The following LPP variants were observed in gnomAD, a reference collection of about 807,000 sequenced individuals.
LPP encodes the protein LIM domain containing preferred translocation partner in lipoma.
In LPP, 38 loss-of-function variants were observed where a neutral mutation model predicts 60.4. That is an observed-to-expected ratio of 0.63 (90% CI 0.49 to 0.83). The LOEUF is 0.83. LPP is among the 40% of genes least tolerant of loss of function. LPP has a pLI of 0.00. For missense variants in LPP, 902 were observed against 783.6 expected (o/e 1.15, Z -1.80); for synonymous variants, 328 against 290.8 (o/e 1.13, Z -1.30).
chr3:188,277,879 C>T (rs965025292), intron 2 of LPP, among the ~76,000 whole-genome samples: 17 of 152,266 alleles, frequency 1.1e-4, no homozygotes, highest in African/African-American at 3.1e-4. Context: ...TATTGTCATT[C>T]GCCCTAAACT....
At chr3:188,218,023 G>GT (rs1714320066) in intron 1 of LPP, among the ~76,000 whole-genome samples, 1 of 152,128 alleles carries the variant, frequency 6.6e-6, no homozygotes, top group South Asian at 2.1e-4. Context: ...TTAACATGTT[G>GT]TTTTTTCATG....
intron 8 of LPP, among the ~76,000 whole-genome samples, chr3:188,717,045 T>C (rs1048990866): frequency 2.4e-4 from 36 of 152,214 alleles, no homozygotes; most frequent in Admixed American, 2.4e-3. Flanking sequence ...TGTGTTTATT[T>C]CCATTTGGGA....
chr3:188,607,391 ATATATATATATATATATATATATAT>A (rs1156689972), intron 6 of LPP, among the ~76,000 whole-genome samples: 4 of 30,488 alleles, frequency 1.3e-4, no homozygotes, highest in East Asian at 7.7e-3. Context: ...ATATATATAT[ATATATATATATATATATATATATAT>A]AATTTTTTTT....
At chr3:188,308,916 G>GTCT (rs893658229) in intron 2 of LPP, among the ~76,000 whole-genome samples, 5 of 73,810 alleles carry the variant, frequency 6.8e-5, no homozygotes, top group African/African-American at 2.7e-4. Context: ...CTTCTTCTTC[G>GTCT]TCTTCTTCTT....
chr3:188,846,395 G>C (rs1227396826), intron 9 of LPP, among the ~76,000 whole-genome samples: 1 of 152,088 alleles, frequency 6.6e-6, no homozygotes, highest in African/African-American at 2.4e-5. Context: ...TATAAGATAT[G>C]TGTAGAGGCT....
At chr3:188,177,508 G>C (rs1378470306) in intron 1 of LPP, among the ~76,000 whole-genome samples, 2 of 152,142 alleles carry the variant, frequency 1.3e-5, no homozygotes, top group Non-Finnish European at 2.9e-5. Flanking sequence ...AAAGACACTA[G>C]ATCAGAAAAG....
chr3:188,828,630 A>AAAAAAAAC (rs1756284908), intron 9 of LPP, among the ~76,000 whole-genome samples: 1 of 147,644 alleles, frequency 6.8e-6, no homozygotes, highest in Admixed American at 6.8e-5. Flanking sequence ...AAAAAAAAAA[A>AAAAAAAAC]AAAAAAAAAA....
chr3:188,889,277 A>G lies in LPP; in HGVS notation c.*14798A>G, dbSNP rs753137335. The G allele has an allele frequency of 8.2e-5, 19 of 231,256 alleles. No individual in the cohort carries two copies. The highest frequency in any genetic ancestry group is 1.5e-4 in the Non-Finnish European group (17 of 116,812). 14.3% of individuals were successfully genotyped at this position (231,256 alleles called of 1,614,324 possible). A position where few individuals can be genotyped will look rare whatever the true frequency, so the allele number is the denominator to read the frequency against. On this transcript the variant is annotated 3_prime_UTR_variant, in exon 12 of 12. Coordinates refer to ENST00000617246, the MANE Select transcript of LPP (RefSeq NM_001375462.1). Reference sequence around the variant, plus strand: ...TCAATACTGTTGATGGAGCAGCAGCATAGCCTAGAGTGATGCATTCTTACC... The same window carrying G: ...TCAATACTGTTGATGGAGCAGCAGCGTAGCCTAGAGTGATGCATTCTTACC...
At chr3:188,315,444 T>C (rs1170727115) in intron 2 of LPP, among the ~76,000 whole-genome samples, 1 of 152,142 alleles carries the variant, frequency 6.6e-6, no homozygotes, top group Non-Finnish European at 1.5e-5. Flanking sequence ...TTGTTGTTTT[T>C]CTCATTGTTT....
intron 7 of LPP, among the ~76,000 whole-genome samples, chr3:188,624,804 TTCCTTCTC>T (rs1217738001): frequency 6.7e-6 from 1 of 148,426 alleles, no homozygotes; most frequent in Non-Finnish European, 1.5e-5. Flanking sequence ...CCTTCCTTCC[TTCCTTCTC>T]TCTCTTTCTC....
intron 3 of LPP, among the ~76,000 whole-genome samples, chr3:188,366,045 C>T (rs1489062488): frequency 6.6e-6 from 1 of 152,184 alleles, no homozygotes; most frequent in African/African-American, 2.4e-5. Context: ...CCAAGATCTC[C>T]TCATTCCCCT....
At chr3:188,224,212 G>A (rs1443407592) in intron 1 of LPP, among the ~76,000 whole-genome samples, 2 of 152,002 alleles carry the variant, frequency 1.3e-5, no homozygotes, top group Admixed American at 6.6e-5. Flanking sequence ...CCAGGCCACC[G>A]GGTTCTCTTG....
At chr3:188,727,846 T>A (rs2378442) in intron 8 of LPP, among the ~76,000 whole-genome samples, 65,267 of 151,984 alleles carry the variant, frequency 0.43, 14,816 homozygotes, top group East Asian at 0.72. Flanking sequence ...AGCCTAGATC[T>A]TCATAAGCCA....
chr3:188,834,293 C>T (rs1757793806), intron 9 of LPP, among the ~76,000 whole-genome samples: 1 of 137,042 alleles, frequency 7.3e-6, no homozygotes, highest in Non-Finnish European at 1.6e-5. Flanking sequence ...TATTATTTAC[C>T]ATTTTAGGAT....
At chr3:188,441,923 G>A (rs1470661626) in intron 4 of LPP, among the ~76,000 whole-genome samples, 2 of 151,738 alleles carry the variant, frequency 1.3e-5, no homozygotes, top group African/African-American at 2.4e-5. Flanking sequence ...GCGCCCGGCC[G>A]CAATACTCAT....
intron 4 of LPP, among the ~76,000 whole-genome samples, chr3:188,444,515 G>A (rs536744894): frequency 6.6e-6 from 1 of 152,014 alleles, no homozygotes; most frequent in South Asian, 2.1e-4. Flanking sequence ...ATTTATTATA[G>A]AAAATAAAAA....
intron 3 of LPP, among the ~76,000 whole-genome samples, chr3:188,396,213 C>G (rs1239177587): frequency 6.6e-6 from 1 of 152,104 alleles, no homozygotes; most frequent in Non-Finnish European, 1.5e-5. Context: ...ATAGTAGACT[C>G]ATATTCATTG....
chr3:188,853,427 C>A (rs187765469), intron 9 of LPP, among the ~76,000 whole-genome samples: 64 of 152,278 alleles, frequency 4.2e-4, no homozygotes, highest in African/African-American at 1.4e-3. Flanking sequence ...ATTCACATAT[C>A]ATGGGCCATA....
intron 8 of LPP, among the ~76,000 whole-genome samples, chr3:188,753,899 G>C (rs1577353260): frequency 2.0e-5 from 3 of 152,164 alleles, no homozygotes; most frequent in East Asian, 3.9e-4. Flanking sequence ...TATAGAATCA[G>C]ATATACACAA....
Sources: gnomAD v4.1 joint callset for allele counts (sites outside exome capture counted in the v4.1 genomes callset) on GRCh38, gnomAD v4.1.1 for gene constraint, MANE v1.5 for transcripts, NCBI Gene and HGNC (gene_info 2026-07-23, HGNC 2026-07-21) for gene names.